Variants in TGFBR3 observed in about 807,000 individuals in gnomAD.
The protein encoded by TGFBR3 is transforming growth factor beta receptor 3, also known as transforming growth factor beta receptor type 3.
TGFBR3 carries 46 observed loss-of-function variants against 87.9 expected under a neutral mutation model. The ratio of observed to expected loss-of-function variants is 0.52; its 90% CI spans 0.41 to 0.67. The LOEUF (loss-of-function observed/expected upper bound fraction) is 0.67. TGFBR3 is among the 30% of genes least tolerant of loss of function. TGFBR3 has a pLI of 0.00. For missense variants in TGFBR3, 866 were observed against 1,041.9 expected (o/e 0.83, Z 2.32); for synonymous variants, 381 against 391.6 (o/e 0.97, Z 0.32).
At chr1:91,827,958 C>T (rs892962308) in intron 2 of TGFBR3, among the ~76,000 whole-genome samples, 3 of 152,176 alleles carry the variant, frequency 2.0e-5, no homozygotes, top group African/African-American at 2.4e-5. Flanking sequence ...TGTTATTAAC[C>T]ACACTGGGTA....
chr1:91,826,898 T>C (rs1676660122), intron 2 of TGFBR3, among the ~76,000 whole-genome samples: 1 of 152,116 alleles, frequency 6.6e-6, no homozygotes. Context: ...TCACATATTT[T>C]GCAAGAACGG....
At chr1:91,843,127 G>A (rs1278881617) in intron 2 of TGFBR3, among the ~76,000 whole-genome samples, 1 of 152,182 alleles carries the variant, frequency 6.6e-6, no homozygotes, top group Admixed American at 6.5e-5. Context: ...CAACTTAAAA[G>A]ACTGATTAAA....
At chr1:91,786,620 G>C (rs928643852) in intron 3 of TGFBR3, among the ~76,000 whole-genome samples, 5 of 151,834 alleles carry the variant, frequency 3.3e-5, no homozygotes, top group Non-Finnish European at 5.9e-5. Flanking sequence ...GTGTAGTGGC[G>C]GGTGCCTGTA....
intron 1 of TGFBR3, among the ~76,000 whole-genome samples, chr1:91,869,900 G>A (rs965105775): frequency 6.6e-6 from 1 of 152,078 alleles, no homozygotes; most frequent in Non-Finnish European, 1.5e-5. Flanking sequence ...TCATTACATG[G>A]ACTAATAATC....
At chr1:91,804,349 G>A (rs1168504680) in intron 2 of TGFBR3, among the ~76,000 whole-genome samples, 1 of 152,122 alleles carries the variant, frequency 6.6e-6, no homozygotes, top group Non-Finnish European at 1.5e-5. Context: ...CCTCTCTCCA[G>A]GTGGCAGGAC....
intron 2 of TGFBR3, among the ~76,000 whole-genome samples, chr1:91,813,985 G>C (rs1169583607): frequency 2.0e-5 from 3 of 152,196 alleles, no homozygotes; most frequent in Non-Finnish European, 4.4e-5. Flanking sequence ...ACACGAGGTG[G>C]AGCTTAGGCA....
At chr1:91,857,827 AT>A (rs1678020329) in intron 2 of TGFBR3, among the ~76,000 whole-genome samples, 1 of 152,224 alleles carries the variant, frequency 6.6e-6, no homozygotes, top group Non-Finnish European at 1.5e-5. Flanking sequence ...TTGCATGTAT[AT>A]CCCTAAGTGA....
intron 9 of TGFBR3, 113 bp from the exon 10 acceptor site, chr1:91,719,577 A>G (rs186586693): frequency 7.5e-7 from 1 of 1,325,590 alleles, no homozygotes; most frequent in Admixed American, 1.8e-5. Flanking sequence ...AGAGGCCTGC[A>G]TCGTGCCCCT....
intron 3 of TGFBR3, among the ~76,000 whole-genome samples, chr1:91,792,376 C>T (rs1675226653): frequency 6.6e-6 from 1 of 152,186 alleles, no homozygotes; most frequent in African/African-American, 2.4e-5. Context: ...ATGGAGCCTC[C>T]TGATCCCCAC....
At chr1:91,716,447 G>A (rs1240825175) in intron 11 of TGFBR3, 53 bp from the exon 12 acceptor site, 12 of 1,613,496 alleles carry the variant, frequency 7.4e-6, no homozygotes, top group Middle Eastern at 1.6e-4. Context: ...AAGGATGAAG[G>A]CCCTGTAGCT....
intron 2 of TGFBR3, among the ~76,000 whole-genome samples, chr1:91,825,690 T>C (rs1272301910): frequency 6.6e-6 from 1 of 152,214 alleles, no homozygotes; most frequent in Admixed American, 6.5e-5. Flanking sequence ...CTATCAATAG[T>C]CCACTTGTGG....
chr1:91,691,195 AATG>A (rs1301170796), intron 16 of TGFBR3, among the ~76,000 whole-genome samples: 1 of 152,136 alleles, frequency 6.6e-6, no homozygotes, highest in East Asian at 1.9e-4. Flanking sequence ...TTTCAAATAA[AATG>A]ATTTCTAAAA....
At chr1:91,854,889 A>G (rs1677878069) in intron 2 of TGFBR3, among the ~76,000 whole-genome samples, 1 of 152,212 alleles carries the variant, frequency 6.6e-6, no homozygotes, top group Non-Finnish European at 1.5e-5. Flanking sequence ...CATTCTAGAA[A>G]TGAAGAAAAT....
chr1:91,795,917 G>A (rs1412345150), intron 3 of TGFBR3, among the ~76,000 whole-genome samples: 2 of 152,152 alleles, frequency 1.3e-5, no homozygotes, highest in Non-Finnish European at 2.9e-5. Context: ...CTCTGCACAC[G>A]TTCATGAGAT....
At chr1:91,732,801 AC>A (rs1348746104) in intron 5 of TGFBR3, among the ~76,000 whole-genome samples, 2 of 152,144 alleles carry the variant, frequency 1.3e-5, no homozygotes, top group South Asian at 2.1e-4. Context: ...GGCTTCCCCT[AC>A]CCAGTGTGCA....
chr1:91,874,735 C>T lies in TGFBR3; in HGVS notation c.-114+11143G>A, dbSNP rs566104426. ...GTCTCAAACTCCTGACTTTGTGATC[C>T]GCCTGCCTCAGCCTCCCAAAGTGCT... On this transcript the variant is annotated intron_variant, in intron 1 of 16. Transcript: ENST00000212355. 6.6e-5 allele frequency among the ~76,000 whole-genome samples: 10 copies of T among 152,148 alleles called. No homozygotes were observed. In the East Asian group the frequency reaches 7.7e-4, roughly 12 times the overall value.
chr1:91,836,263 A>G lies in TGFBR3; in HGVS notation c.61+25208T>C, dbSNP rs1677061908. On this transcript the variant is annotated intron_variant, in intron 2 of 16. Coordinates refer to ENST00000212355, the MANE Select transcript of TGFBR3 (RefSeq NM_003243.5). The stretch of plus-strand genomic sequence containing the variant: ...ACTCCATCTCAAGGAAAATAAACAA[A>G]TAAATAAATTTTAAAAAAAATTCAG... 2.6e-5 allele frequency among the ~76,000 whole-genome samples: 4 copies of G among 152,114 alleles called. No homozygotes were observed. In the South Asian group the frequency reaches 8.3e-4, roughly 32 times the overall value.
intron 1 of TGFBR3, among the ~76,000 whole-genome samples, chr1:91,881,533 T>C (rs139140191): frequency 1.3e-5 from 2 of 152,128 alleles, no homozygotes; most frequent in East Asian, 1.9e-4. Context: ...CATAGCCTAG[T>C]AGGGAGTAGG....
At chr1:91,709,670 C>G (rs1243462435) in intron 13 of TGFBR3, among the ~76,000 whole-genome samples, 1 of 152,176 alleles carries the variant, frequency 6.6e-6, no homozygotes, top group Non-Finnish European at 1.5e-5. Context: ...TGCTCAGGCC[C>G]ACTACATCTG....
Sources: allele counts gnomAD v4.1 joint callset (sites outside exome capture counted in the v4.1 genomes callset), GRCh38; gene constraint gnomAD v4.1.1; transcripts MANE v1.5; gene names NCBI Gene and HGNC (gene_info 2026-07-23, HGNC 2026-07-21).